Variants in MCTP1 observed in about 807,000 individuals in gnomAD.
MCTP1 encodes multiple C2 and transmembrane domain containing 1.
A neutral mutation model predicts 120.6 loss-of-function variants in MCTP1; 69 were observed. That is an observed-to-expected ratio of 0.57 (90% CI 0.47 to 0.70). The LOEUF (loss-of-function observed/expected upper bound fraction) is 0.70. MCTP1 is among the 30% of genes least tolerant of loss of function. The pLI, the probability that MCTP1 is intolerant of heterozygous loss-of-function variation, is 0.00. For missense variants in MCTP1, 1,203 were observed against 1,248.8 expected (o/e 0.96, Z 0.55); for synonymous variants, 529 against 493.1 (o/e 1.07, Z -0.96).
At chr5:94,746,039 C>T (rs569525881) in intron 19 of MCTP1, among the ~76,000 whole-genome samples, 1 of 152,250 alleles carries the variant, frequency 6.6e-6, no homozygotes, top group South Asian at 2.1e-4. Flanking sequence ...CCTATGTTAT[C>T]AAGAAAGTAA....
At chr5:94,916,482 T>C (rs1426352825) in intron 8 of MCTP1, among the ~76,000 whole-genome samples, 1 of 152,190 alleles carries the variant, frequency 6.6e-6, no homozygotes. Flanking sequence ...AGAAGTACAC[T>C]CCATAAACAA....
At chr5:94,850,895 G>C (rs1276701519) in intron 17 of MCTP1, among the ~76,000 whole-genome samples, 1 of 152,050 alleles carries the variant, frequency 6.6e-6, no homozygotes, top group Non-Finnish European at 1.5e-5. Context: ...TGGGGGAAGG[G>C]TACAGTGTAT....
At chr5:94,794,338 C>T (rs892775437) in intron 18 of MCTP1, among the ~76,000 whole-genome samples, 6 of 152,234 alleles carry the variant, frequency 3.9e-5, no homozygotes, top group Non-Finnish European at 7.3e-5. Context: ...CCATGCTCAC[C>T]TTGGTGAATG....
intron 1 of MCTP1, among the ~76,000 whole-genome samples, chr5:95,209,694 C>T (rs1180324006): frequency 6.6e-6 from 1 of 152,212 alleles, no homozygotes; most frequent in Non-Finnish European, 1.5e-5. Flanking sequence ...CACTTCATCA[C>T]ATACCTGTCC....
At chr5:94,849,541 G>T (rs986521240) in intron 17 of MCTP1, among the ~76,000 whole-genome samples, 1 of 152,112 alleles carries the variant, frequency 6.6e-6, no homozygotes, top group Non-Finnish European at 1.5e-5. Context: ...GTCTCACAGG[G>T]GGCAGGTAGT....
rs1413714236 is a variant in MCTP1, at chr5:94,868,427, A to G, written c.2342T>C (p.Met781Thr). ...TACCAGCACCATGACACAACGTTTC[A>G]TTCTGATAAAGTTTCTTAGTAGCAG... Reference protein sequence around the residue: ...KQLLLRNFIRMKRCVMVLVNA... With the variant: ...KQLLLRNFIRTKRCVMVLVNA... The change falls in exon 17 of 23, where the codon ATG becomes ACG. Residue 781 changes from methionine to threonine, a missense_variant. Met to Thr is a moderately conservative substitution (Grantham distance 81). Around this residue, in one of 2 missense-constraint regions of MCTP1, gnomAD observed 740 missense variants for 871.1 expected, o/e 0.85. Coordinates refer to ENST00000515393, the MANE Select transcript of MCTP1 (RefSeq NM_024717.7). 1 of 1,603,434 alleles carries G rather than the reference A, an allele frequency of 6.2e-7. No homozygotes were observed. Among genetic ancestry groups the G allele is most frequent in the Non-Finnish European group, 8.5e-7 (1 of 1,175,418 alleles).
chr5:95,285,041 G>C lies in MCTP1; in HGVS notation c.-466C>G, dbSNP rs1003059791. 2.0e-5 allele frequency among the ~76,000 whole-genome samples: 3 copies of C among 152,164 alleles called. No individual in the cohort carries two copies. The highest frequency in any genetic ancestry group is 7.2e-5 in the African/African-American group (3 of 41,456). ...TCTGGGCAGCACCTGTCAGCGGCGG[G>C]GGCGGCTGCCTCCAAATTGGGCGCG... On this transcript the variant is annotated 5_prime_UTR_variant, in exon 1 of 23. Coordinates refer to ENST00000515393, the MANE Select transcript of MCTP1 (RefSeq NM_024717.7).
intron 1 of MCTP1, among the ~76,000 whole-genome samples, chr5:95,175,836 C>G (rs1051518207): frequency 1.3e-5 from 2 of 152,184 alleles, no homozygotes; most frequent in Non-Finnish European, 2.9e-5. Context: ...CCAGTGAATT[C>G]AGTTCACTCC....
chr5:95,220,354 AG>A (rs1753549397), intron 1 of MCTP1, among the ~76,000 whole-genome samples: 1 of 151,636 alleles, frequency 6.6e-6, no homozygotes, highest in Non-Finnish European at 1.5e-5. Flanking sequence ...TTTTTTACAA[AG>A]AATTCCTTAG....
intron 2 of MCTP1, among the ~76,000 whole-genome samples, chr5:94,958,254 G>C (rs909020548): frequency 6.6e-6 from 1 of 152,176 alleles, no homozygotes; most frequent in Non-Finnish European, 1.5e-5. Flanking sequence ...GAACCTTTGG[G>C]ACACAGCTAA....
intron 6 of MCTP1, among the ~76,000 whole-genome samples, chr5:94,927,885 A>G (rs566149418): frequency 7.9e-5 from 12 of 152,248 alleles, no homozygotes; most frequent in Non-Finnish European, 1.6e-4. Context: ...AAAGTGTTTT[A>G]TAGTTCATTA....
chr5:95,043,703 G>T (rs1842721042), intron 1 of MCTP1, among the ~76,000 whole-genome samples: 1 of 152,118 alleles, frequency 6.6e-6, no homozygotes, highest in African/African-American at 2.4e-5. Context: ...CTGTCTATTT[G>T]CCATTAATCT....
At chr5:94,758,037 A>C (rs1278641329) in intron 19 of MCTP1, among the ~76,000 whole-genome samples, 1 of 152,174 alleles carries the variant, frequency 6.6e-6, no homozygotes, top group Non-Finnish European at 1.5e-5. Context: ...CCTCAAAAGA[A>C]AAAAATGAGA....
At chr5:95,146,831 G>T (rs1049311435) in intron 1 of MCTP1, among the ~76,000 whole-genome samples, 2 of 152,040 alleles carry the variant, frequency 1.3e-5, no homozygotes, top group African/African-American at 4.8e-5. Flanking sequence ...TTCATGTTTG[G>T]ATAAAAACCG....
intron 1 of MCTP1, among the ~76,000 whole-genome samples, chr5:95,279,409 C>T (rs1760131303): frequency 6.6e-6 from 1 of 152,128 alleles, no homozygotes; most frequent in Non-Finnish European, 1.5e-5. Flanking sequence ...TGTAATGTCA[C>T]CAGTACTACC....
chr5:95,129,931 G>A (rs1758920187), intron 1 of MCTP1, among the ~76,000 whole-genome samples: 1 of 152,046 alleles, frequency 6.6e-6, no homozygotes, highest in Non-Finnish European at 1.5e-5. Context: ...AGAGTACTGG[G>A]ATTACTGGCA....
chr5:94,899,139 G>A (rs1342016959), intron 10 of MCTP1, among the ~76,000 whole-genome samples: 3 of 152,204 alleles, frequency 2.0e-5, no homozygotes, highest in Non-Finnish European at 2.9e-5. Context: ...GGGTGGCAGT[G>A]TGAGAAAAAG....
rs954241077 is a variant in MCTP1, at chr5:94,957,655, T to TA, written c.839-4295dup. On this transcript the variant is annotated intron_variant, in intron 2 of 22. Coordinates refer to ENST00000515393, the MANE Select transcript of MCTP1 (RefSeq NM_024717.7). ...AAACAGATTTTACACCAATGAAGAT[T>TA]AAAAAAAAAGAGAAAGAAGGGAATT... 1.6e-3 allele frequency among the ~76,000 whole-genome samples: 237 copies of TA among 149,516 alleles called. 1 individual carries two copies. The highest frequency in any genetic ancestry group is 5.1e-3 in the African/African-American group (206 of 40,764).
At chr5:95,061,408 G>GTTTTTTT (rs556663513) in intron 1 of MCTP1, among the ~76,000 whole-genome samples, 1 of 33,486 alleles carries the variant, frequency 3.0e-5, no homozygotes, top group African/African-American at 9.8e-5. Context: ...CCCCTTAAGG[G>GTTTTTTT]TTTTTTTTTT....
Sources: gnomAD v4.1 joint callset for allele counts (sites outside exome capture counted in the v4.1 genomes callset) on GRCh38, gnomAD v4.1.1 for gene constraint, gnomAD v4.1.1 regional missense constraint, MANE v1.5 for transcripts, NCBI Gene and HGNC (gene_info 2026-07-23, HGNC 2026-07-21) for gene names.